MTBP: variants seen among roughly 807,000 people sequenced by gnomAD.
MTBP encodes mdm2-binding protein.
Under a neutral mutation model 117.0 loss-of-function variants are expected in MTBP, and 101 were observed. The ratio of observed to expected loss-of-function variants is 0.86; its 90% CI spans 0.73 to 1.02. The LOEUF (loss-of-function observed/expected upper bound fraction) is 1.02. MTBP is among the 50% of genes least tolerant of loss of function. The probability of loss-of-function intolerance (pLI) is 0.00; values close to 1 mark genes in which losing one functional copy is unlikely to be tolerated. For synonymous variants in MTBP, 350 were observed against 351.5 expected (o/e 1.00, Z 0.05); for missense variants, 970 against 1,030.9 (o/e 0.94, Z 0.81).
chr8:120,453,466 A>AAAAT (rs554985229), intron 4 of MTBP, among the ~76,000 whole-genome samples: 5 of 152,092 alleles, frequency 3.3e-5, no homozygotes, highest in East Asian at 3.9e-4. Flanking sequence ...CCAAAAACCA[A>AAAAT]AAATAAATAA....
At chr8:120,455,929 C>T (rs996118629) in intron 6 of MTBP, among the ~76,000 whole-genome samples, 4 of 152,010 alleles carry the variant, frequency 2.6e-5, no homozygotes, top group Admixed American at 1.3e-4. Flanking sequence ...AATAAATATA[C>T]ACTGTTGTGT....
intron 16 of MTBP, among the ~76,000 whole-genome samples, chr8:120,508,285 C>G (rs1346520197): frequency 6.6e-6 from 1 of 151,866 alleles, no homozygotes; most frequent in African/African-American, 2.4e-5. Context: ...TAAACATTGA[C>G]AAAACACATA....
At chr8:120,490,804 G>A in intron 13 of MTBP, 1 of 287,130 alleles carries the variant, frequency 3.5e-6, no homozygotes. Context: ...ATTTCAACAG[G>A]CAAATTTTGT....
rs368879333 is a variant in MTBP, at chr8:120,459,282, C to G, written c.815C>G (p.Ser272Cys). Residue 272 changes from serine to cysteine, a missense_variant, in exon 8 of 22, where the codon TCT (serine) becomes TGT (cysteine). Transcript: ENST00000305949. The stretch of plus-strand genomic sequence containing the variant: ...GTCACACTTAAGAATTTTAGTACTT[C>G]TAATTTAAATACTGACTTCCTTGCC... ...KGVTLKNFST[S>C]NLNTDFLAKK... The G allele has an allele frequency of 3.7e-6, 6 of 1,610,982 alleles. No homozygotes were observed. The African/African-American group carries it at 8.0e-5, about 22-fold the overall frequency.
intron 10 of MTBP, among the ~76,000 whole-genome samples, chr8:120,467,910 C>T (rs1813732390): frequency 6.6e-6 from 1 of 152,178 alleles, no homozygotes; most frequent in Non-Finnish European, 1.5e-5. Context: ...GGTCCCACCA[C>T]ATTTATATTA....
chr8:120,522,786 TG>T, intron 21 of MTBP, 67 bp downstream of exon 21: 1 of 1,215,070 alleles, frequency 8.2e-7, no homozygotes, highest in Non-Finnish European at 1.2e-6. Context: ...GTTGCTCTGA[TG>T]CCATTATATA....
At chr8:120,464,542 A>G (rs1212043398) in intron 10 of MTBP, among the ~76,000 whole-genome samples, 1 of 152,016 alleles carries the variant, frequency 6.6e-6, no homozygotes, top group Non-Finnish European at 1.5e-5. Context: ...TAATTATAAC[A>G]GTTTCCCTAT....
In MTBP at chr8:120,522,645, T is replaced by G; in HGVS notation, c.2611-9T>G. The G allele has an allele frequency of 1.3e-6, 2 of 1,559,506 alleles. No individual in the cohort carries two copies. The highest frequency in any genetic ancestry group is 1.8e-6 in the Non-Finnish European group (2 of 1,136,620). ...CAGATTGTAAAATGCTGTATTTTAT[T>G]ATGTTTAGGATCTTAAAACTTCAAG... On this transcript the variant is annotated splice_polypyrimidine_tract_variant and intron_variant, in intron 20 of 21. Transcript: ENST00000305949.
intron 9 of MTBP, among the ~76,000 whole-genome samples, chr8:120,462,151 T>G (rs1279863341): frequency 6.6e-6 from 1 of 152,128 alleles, no homozygotes; most frequent in Admixed American, 6.6e-5. Flanking sequence ...TGGGGTTAAA[T>G]TCTATCCTAA....
intron 11 of MTBP, among the ~76,000 whole-genome samples, chr8:120,474,571 G>A (rs965764188): frequency 6.6e-6 from 1 of 151,900 alleles, no homozygotes; most frequent in Non-Finnish European, 1.5e-5. Flanking sequence ...GTCCTCTATT[G>A]TTGCCACATA....
intron 17 of MTBP, among the ~76,000 whole-genome samples, chr8:120,510,901 C>T (rs916110552): frequency 1.3e-5 from 2 of 150,610 alleles, no homozygotes; most frequent in African/African-American, 4.9e-5. Flanking sequence ...AGAATGAGAC[C>T]CTGTCTCAAG....
chr8:120,474,568 A>G (rs118079928), intron 11 of MTBP, among the ~76,000 whole-genome samples: 3 of 152,120 alleles, frequency 2.0e-5, no homozygotes, highest in South Asian at 4.1e-4. Context: ...ACTGTCCTCT[A>G]TTGTTGCCAC....
chr8:120,491,309 C>G (rs956788902), intron 13 of MTBP, among the ~76,000 whole-genome samples: 1 of 151,940 alleles, frequency 6.6e-6, no homozygotes, highest in African/African-American at 2.4e-5. Context: ...TCTTTAAAAA[C>G]GTATTTAAAA....
chr8:120,460,045 A>G (rs956753886), intron 8 of MTBP, among the ~76,000 whole-genome samples: 2 of 152,154 alleles, frequency 1.3e-5, no homozygotes, highest in Non-Finnish European at 1.5e-5. Flanking sequence ...ATTTAAGAAC[A>G]TGGAAAACAG....
intron 11 of MTBP, among the ~76,000 whole-genome samples, chr8:120,474,503 G>T (rs1440968330): frequency 1.3e-5 from 2 of 151,896 alleles, no homozygotes; most frequent in Non-Finnish European, 2.9e-5. Context: ...CAGACTCTCA[G>T]ATCATTCTCC....
At chr8:120,487,243 A>G (rs1586957861) in intron 11 of MTBP, among the ~76,000 whole-genome samples, 1 of 152,072 alleles carries the variant, frequency 6.6e-6, no homozygotes, top group African/African-American at 2.4e-5. Flanking sequence ...TTCCAGCTTC[A>G]TTTTGCTTCC....
At position 120,508,751 on chromosome 8, in the gene MTBP, G is replaced by A. The variant is rs1029881969; in HGVS notation, c.1884-1183G>A. Among the ~76,000 whole-genome samples the A allele has an allele frequency of 3.3e-5, 5 of 152,074 alleles. No homozygotes were observed. The South Asian group carries it at 6.2e-4, about 19-fold the overall frequency. On this transcript the variant is annotated intron_variant, in intron 16 of 21. Transcript: ENST00000305949. ...CCATTTCCAACTCTTCTGAACTCAAGCCCCTGGTATTTCATTTTACCTAGT... is the reference window on the plus strand; with the variant it reads ...CCATTTCCAACTCTTCTGAACTCAAACCCCTGGTATTTCATTTTACCTAGT...
intron 11 of MTBP, chr8:120,473,367 A>AG: frequency 6.6e-6 from 1 of 152,288 alleles, no homozygotes; most frequent in East Asian, 1.9e-4. Flanking sequence ...GGAAGACCCT[A>AG]GCAAGTTATC....
intron 11 of MTBP, among the ~76,000 whole-genome samples, chr8:120,474,892 G>A (rs1043930227): frequency 6.6e-5 from 10 of 152,044 alleles, no homozygotes; most frequent in African/African-American, 2.4e-4. Context: ...AATGAAAAAA[G>A]CAAGGTATGC....
Sources: gnomAD v4.1 joint callset for allele counts (sites outside exome capture counted in the v4.1 genomes callset) on GRCh38, gnomAD v4.1.1 for gene constraint, MANE v1.5 for transcripts, NCBI Gene and HGNC (gene_info 2026-07-23, HGNC 2026-07-21) for gene names.